The following ASPRV1 variants were observed in gnomAD, a reference collection of about 807,000 sequenced individuals.
ASPRV1 encodes retroviral-like aspartic protease 1.
ASPRV1 carries 7 observed loss-of-function variants against 11.0 expected under a neutral mutation model. The ratio of observed to expected loss-of-function variants is 0.64; its 90% CI spans 0.36 to 1.20. The LOEUF (loss-of-function observed/expected upper bound fraction) is 1.20. Ranked by LOEUF, ASPRV1 falls within the 50% of genes most tolerant of loss-of-function variation. The pLI is 0.02. For synonymous variants in ASPRV1, 136 were observed against 138.4 expected (o/e 0.98, Z 0.12); for missense variants, 299 against 320.0 (o/e 0.93, Z 0.50).
chr2:69,974,962 C>A, the ASPRV1 span, among the ~76,000 whole-genome samples: 1 of 152,194 alleles, frequency 6.6e-6, no homozygotes, highest in East Asian at 1.9e-4. Context: ...AGCTTCCCTG[C>A]AACAAGCTGT....
chr2:70,036,665 A>T, the ASPRV1 span, among the ~76,000 whole-genome samples: 1 of 152,114 alleles, frequency 6.6e-6, no homozygotes, highest in African/African-American at 2.4e-5. Context: ...TCACTTTCTA[A>T]AGTAATTTTT....
chr2:69,937,416 C>T, the ASPRV1 span: 1 of 1,577,228 alleles, frequency 6.3e-7, no homozygotes, highest in Admixed American at 1.8e-5. Flanking sequence ...TCACTCTCCT[C>T]CCTGTCTCCC....
At chr2:69,937,520 C>A in the ASPRV1 span, 3 of 934,160 alleles carry the variant, frequency 3.2e-6, no homozygotes, top group South Asian at 1.8e-5. Context: ...GTAGAGAAGT[C>A]GAACAGTGTG....
At chr2:70,074,153 A>AC in the ASPRV1 span, among the ~76,000 whole-genome samples, 1 of 150,228 alleles carries the variant, frequency 6.7e-6, no homozygotes, top group Non-Finnish European at 1.5e-5. Flanking sequence ...AAAAAAAAAA[A>AC]AAAAAAACAG....
At chr2:69,935,253 G>A in the ASPRV1 span, 22 of 815,416 alleles carry the variant, frequency 2.7e-5, no homozygotes, top group South Asian at 2.4e-4. Context: ...CCATCGCAAG[G>A]CCTGGGCAAC....
the ASPRV1 span, among the ~76,000 whole-genome samples, chr2:70,068,377 T>C: frequency 6.6e-6 from 1 of 152,162 alleles, no homozygotes; most frequent in South Asian, 2.1e-4. Context: ...CTAGTTTCAC[T>C]TGTAAAGATT....
the ASPRV1 span, among the ~76,000 whole-genome samples, chr2:70,069,836 T>C: frequency 1.3e-5 from 2 of 152,202 alleles, no homozygotes; most frequent in South Asian, 4.1e-4. Flanking sequence ...TCACTTCACC[T>C]TTCTGAGTTC....
At chr2:70,009,379 G>C in the ASPRV1 span, among the ~76,000 whole-genome samples, 1 of 151,010 alleles carries the variant, frequency 6.6e-6, no homozygotes, top group South Asian at 2.1e-4. Flanking sequence ...GCCCAGGCTG[G>C]AGTGCAGTGG....
At chr2:70,036,951 T>C in the ASPRV1 span, among the ~76,000 whole-genome samples, 21 of 152,206 alleles carry the variant, frequency 1.4e-4, no homozygotes, top group Non-Finnish European at 1.9e-4. Flanking sequence ...CCAGTCTCTC[T>C]CAAGGAGACT....
the ASPRV1 span, among the ~76,000 whole-genome samples, chr2:69,968,916 G>A: frequency 7.2e-5 from 11 of 152,198 alleles, no homozygotes; most frequent in Non-Finnish European, 4.4e-5. Flanking sequence ...CTCCCGCCTC[G>A]TGTCATGTAC....
At chr2:69,966,808 A>G in the ASPRV1 span, among the ~76,000 whole-genome samples, 1 of 152,186 alleles carries the variant, frequency 6.6e-6, no homozygotes, top group Admixed American at 6.5e-5. Context: ...TATCCTCAGC[A>G]CAGGAAGTTG....
At chr2:70,004,249 A>G in the ASPRV1 span, among the ~76,000 whole-genome samples, 4 of 152,074 alleles carry the variant, frequency 2.6e-5, no homozygotes, top group Non-Finnish European at 5.9e-5. Context: ...GAGGTGGGGT[A>G]AGCCAGGCGC....
At chr2:70,037,788 C>T in the ASPRV1 span, among the ~76,000 whole-genome samples, 7 of 151,544 alleles carry the variant, frequency 4.6e-5, no homozygotes, top group Non-Finnish European at 1.0e-4. Flanking sequence ...CCTTTAGTGC[C>T]ATACTTCAAA....
chr2:70,071,459 A>T, the ASPRV1 span, among the ~76,000 whole-genome samples: 1 of 152,176 alleles, frequency 6.6e-6, no homozygotes, highest in African/African-American at 2.4e-5. Context: ...GTCTAAAATT[A>T]GGCCGGGCAC....
At chr2:70,004,545 AAAAAAAG>A in the ASPRV1 span, among the ~76,000 whole-genome samples, 11 of 151,546 alleles carry the variant, frequency 7.3e-5, no homozygotes, top group Non-Finnish European at 1.6e-4. Flanking sequence ...AAAAAAAAAA[AAAAAAAG>A]AAGTGGGGTA....
chr2:69,989,149 G>A, the ASPRV1 span, among the ~76,000 whole-genome samples: 32 of 152,302 alleles, frequency 2.1e-4, no homozygotes, highest in East Asian at 4.8e-3. Flanking sequence ...CACTTCTCCC[G>A]GGCTGGAGGG....
chr2:70,055,787 C>T, the ASPRV1 span: 1 of 151,978 alleles, frequency 6.6e-6, no homozygotes, highest in African/African-American at 2.4e-5. Context: ...TTTATAAAGG[C>T]AATGTATCAG....
the ASPRV1 span, among the ~76,000 whole-genome samples, chr2:69,973,861 C>T: frequency 6.6e-6 from 1 of 152,166 alleles, no homozygotes; most frequent in Admixed American, 6.5e-5. Flanking sequence ...GAATAAAGCC[C>T]TGATTTGTGG....
chr2:70,082,073 G>T, the ASPRV1 span, among the ~76,000 whole-genome samples: 2 of 151,884 alleles, frequency 1.3e-5, no homozygotes, highest in Admixed American at 1.3e-4. Context: ...TGCCTCCCAG[G>T]TTCACATTCA....
Sources: gnomAD v4.1 joint callset for allele counts (sites outside exome capture counted in the v4.1 genomes callset) on GRCh38, gnomAD v4.1.1 for gene constraint, MANE v1.5 for transcripts, NCBI Gene and HGNC (gene_info 2026-07-23, HGNC 2026-07-21) for gene names.